The following RDH12 variants were observed in gnomAD, a reference collection of about 807,000 sequenced individuals.
The protein encoded by RDH12 is retinol dehydrogenase 12, also known as all-trans and 9-cis retinol dehydrogenase.
Under a neutral mutation model 34.0 loss-of-function variants are expected in RDH12, and 21 were observed. That is an observed-to-expected ratio of 0.62 (90% CI 0.44 to 0.89). The LOEUF is 0.89. Among genes scored for constraint, RDH12 ranks in the 40% least tolerant of loss-of-function variants. The probability of loss-of-function intolerance (pLI) is 0.00; values close to 1 mark genes in which losing one functional copy is unlikely to be tolerated. For missense variants in RDH12, 394 were observed against 398.6 expected (o/e 0.99, Z 0.10); for synonymous variants, 198 against 169.9 (o/e 1.17, Z -1.29).
At chr14:67,727,544 G>T in intron 7 of RDH12, 1 of 308,118 alleles carries the variant, frequency 3.2e-6, no homozygotes, top group South Asian at 2.8e-5. Context: ...GTGCAGTAGT[G>T]CGATCTTGGC....
chr14:67,705,096 G>A (rs1212712449), intron 1 of RDH12, among the ~76,000 whole-genome samples: 1 of 152,212 alleles, frequency 6.6e-6, no homozygotes, highest in Non-Finnish European at 1.5e-5. Flanking sequence ...AGCCAAATGT[G>A]AGGATCAATC....
chr14:67,704,045 G>A lies in RDH12; in HGVS notation c.-275+2110G>A, dbSNP rs2037927572. Among the ~76,000 whole-genome samples the A allele has an allele frequency of 1.3e-5, 2 of 152,126 alleles. 1 individual carries two copies. The highest frequency in any genetic ancestry group is 4.1e-4 in the South Asian group (2 of 4,828). ...ATCTCTCAGTTTAGAAAAACTGTTG[G>A]ATTCGTATTTTTATGATCTCAGTAG... On this transcript the variant is annotated intron_variant, in intron 1 of 8. Coordinates refer to ENST00000551171, the MANE Select transcript of RDH12 (RefSeq NM_152443.3).
Position 67,721,790 on chromosome 14 carries a change from A to G in RDH12, c.-219-634A>G, listed in dbSNP as rs113750948. ...GTATAACACATATATATATAAAACC[A>G]TATATTATATATATAATCATACCCA... is the stretch of plus-strand genomic sequence containing the variant. On this transcript the variant is annotated intron_variant, in intron 2 of 8. Transcript: ENST00000551171. 3.5e-3 allele frequency among the ~76,000 whole-genome samples: 522 copies of G among 150,694 alleles called. 2 individuals are homozygous for G. Among genetic ancestry groups the G allele is most frequent in the African/African-American group, 0.012 (504 of 41,144 alleles).
chr14:67,725,331 CCCTTA>C (rs1566847149), intron 5 of RDH12, 77 bp downstream of exon 5: 4 of 1,448,152 alleles, frequency 2.8e-6, no homozygotes, highest in African/African-American at 1.4e-5. Flanking sequence ...CCATCTATGG[CCCTTA>C]CATCAGAACC....
rs190796905 is a variant in RDH12, at chr14:67,722,261, A to G, written c.-219-163A>G. Among the ~76,000 whole-genome samples, 75 of 152,314 alleles carry G rather than the reference A, an allele frequency of 4.9e-4. 3 individuals carry two copies. Among genetic ancestry groups the G allele is most frequent in the Admixed American group, 2.5e-3 (39 of 15,296 alleles). ...AAGTTAGAAATATTCTATATATTCC[A>G]TCTTGCAGTAGAGGTGGCAGTGGTT... On this transcript the variant is annotated intron_variant, in intron 2 of 8. Transcript: ENST00000551171.
chr14:67,725,310 TCCACCCTAGACCATCTATGGCC>T, intron 5 of RDH12, 56 bp downstream of exon 5: 2 of 1,574,200 alleles, frequency 1.3e-6, no homozygotes, highest in Non-Finnish European at 1.7e-6. Context: ...GAGTGGCTGC[TCCACCCTAGACCATCTATGGCC>T]CTTACATCAG....
chr14:67,722,785 G>T, intron 3 of RDH12, 75 bp downstream of exon 3: 1 of 1,230,556 alleles, frequency 8.1e-7, no homozygotes, highest in East Asian at 2.3e-5. Context: ...GCTGCTGAAA[G>T]AAGAGAAAGG....
Position 67,733,992 on chromosome 14 carries a change from G to A in RDH12, c.*144G>A, listed in dbSNP as rs1443218229. 2 of 640,048 alleles carry A rather than the reference G, an allele frequency of 3.1e-6. No homozygotes were observed. Among genetic ancestry groups the A allele is most frequent in the Non-Finnish European group, 5.8e-6 (2 of 345,774 alleles). The allele number at this position is 640,048 out of a possible 1,614,324, so 39.6% of individuals were successfully genotyped here. On this transcript the variant is annotated 3_prime_UTR_variant, in exon 9 of 9. Transcript: ENST00000551171. Reference sequence around the variant, plus strand: ...GCTCTGATCCTCTTGACCCTTCTGGGAATGTTTGCACACCTGACACTCTTG... The same window carrying A: ...GCTCTGATCCTCTTGACCCTTCTGGAAATGTTTGCACACCTGACACTCTTG...
intron 1 of RDH12, among the ~76,000 whole-genome samples, chr14:67,714,112 C>T (rs1439215960): frequency 6.6e-6 from 1 of 151,992 alleles, no homozygotes; most frequent in Admixed American, 6.6e-5. Flanking sequence ...TTGTAATTTC[C>T]TATTTACTTT....
At chr14:67,704,725 CA>C (rs1268806650) in intron 1 of RDH12, among the ~76,000 whole-genome samples, 1 of 152,220 alleles carries the variant, frequency 6.6e-6, no homozygotes, top group Non-Finnish European at 1.5e-5. Context: ...AAACAATTTA[CA>C]AAGCTTCTAT....
chr14:67,720,485 G>A (rs376864832), intron 1 of RDH12, among the ~76,000 whole-genome samples: 8 of 152,204 alleles, frequency 5.3e-5, no homozygotes, highest in African/African-American at 1.4e-4. Context: ...TCATACTTAC[G>A]TCTTTGAGGT....
chr14:67,705,921 A>G (rs1018335277), intron 1 of RDH12: 1 of 152,238 alleles, frequency 6.6e-6, no homozygotes, highest in Non-Finnish European at 1.5e-5. Flanking sequence ...AAAAAATATC[A>G]TTAACTATGT....
chr14:67,713,398 A>AT (rs1491096118), intron 1 of RDH12, among the ~76,000 whole-genome samples: 5 of 1,722 alleles, frequency 2.9e-3, no homozygotes, highest in Admixed American at 8.3e-3. Context: ...GTAAAACTCC[A>AT]AAAAAAAAAA....
intron 1 of RDH12, among the ~76,000 whole-genome samples, chr14:67,706,873 T>G (rs951340531): frequency 3.9e-5 from 6 of 152,140 alleles, no homozygotes; most frequent in Non-Finnish European, 8.8e-5. Flanking sequence ...CCTAGACAGG[T>G]AGGTCCTAAG....
At chr14:67,724,390 GA>G in intron 3 of RDH12, 82 bp from the exon 4 acceptor site, 1 of 822,702 alleles carries the variant, frequency 1.2e-6, no homozygotes, top group African/African-American at 3.2e-5. Flanking sequence ...AGGCTGGATA[GA>G]GTTTTTTTTT....
rs1246961334 is a variant in RDH12, at chr14:67,712,535, GA to G, written c.-274-8306del. On this transcript the variant is annotated intron_variant, in intron 1 of 8. Transcript: ENST00000551171. ...AAAAAAAAGACAAGGTTTTGGGTGA[GA>G]AAAAAACAAAACAAAAACATGAAGG... Among the ~76,000 whole-genome samples, 7 of 126,026 alleles carry G rather than the reference GA, an allele frequency of 5.6e-5. No individual in the cohort carries two copies. In the East Asian group the frequency reaches 1.6e-3, roughly 29 times the overall value. 82.7% of individuals were successfully genotyped at this position (126,026 alleles called of 152,430 possible). A position where few individuals can be genotyped will look rare whatever the true frequency, so the allele number is the denominator to read the frequency against.
intron 8 of RDH12, among the ~76,000 whole-genome samples, chr14:67,732,348 G>A (rs1183447823): frequency 1.3e-5 from 2 of 150,160 alleles, no homozygotes; most frequent in Non-Finnish European, 3.0e-5. Flanking sequence ...TAAGGTGGGA[G>A]GATGGCTTCA....
intron 8 of RDH12, among the ~76,000 whole-genome samples, chr14:67,730,507 C>A (rs551070218): frequency 1.3e-5 from 2 of 152,168 alleles, no homozygotes; most frequent in African/African-American, 4.8e-5. Flanking sequence ...CAGAGTATTT[C>A]GGGTTTTAGA....
chr14:67,733,096 A>C (rs2038306192), intron 8 of RDH12, among the ~76,000 whole-genome samples: 1 of 151,714 alleles, frequency 6.6e-6, no homozygotes, highest in Non-Finnish European at 1.5e-5. Context: ...CGTTGTGCAC[A>C]TGTACCCTAA....
Sources: allele counts gnomAD v4.1 joint callset (sites outside exome capture counted in the v4.1 genomes callset), GRCh38; gene constraint gnomAD v4.1.1; transcripts MANE v1.5; gene names NCBI Gene and HGNC (gene_info 2026-07-23, HGNC 2026-07-21).